GPC5: variants seen among roughly 807,000 people sequenced by gnomAD.
GPC5 encodes the protein glypican 5.
Under a neutral mutation model 53.9 loss-of-function variants are expected in GPC5, and 47 were observed. The observed-to-expected ratio is 0.87, with a 90% CI of 0.69 to 1.11. The LOEUF (loss-of-function observed/expected upper bound fraction) is 1.11. Ranked by LOEUF, GPC5 falls within the 50% of genes most tolerant of loss-of-function variation. The pLI is 0.00. For missense variants in GPC5, 748 were observed against 713.1 expected, an observed-to-expected ratio of 1.05 and a Z score of -0.56; for synonymous variants, 286 against 263.3, an observed-to-expected ratio of 1.09 and a Z score of -0.84.
intron 7 of GPC5, among the ~76,000 whole-genome samples, chr13:92,329,098 G>C (rs1241115093): frequency 6.6e-6 from 1 of 152,122 alleles, no homozygotes; most frequent in East Asian, 1.9e-4. Flanking sequence ...TATTCTAGAG[G>C]AGTCAAGCAG....
At position 92,037,212 on chromosome 13, in the gene GPC5, C is replaced by T. The variant is rs553733319; in HGVS notation, c.1402-107618C>T. On this transcript the variant is annotated intron_variant, in intron 6 of 7. Coordinates refer to ENST00000377067, the MANE Select transcript of GPC5 (RefSeq NM_004466.6). ...ACACATGCTCATACACACACACACA[C>T]GTATGCGTGCACACACACCTTGCTT... Among the ~76,000 whole-genome samples, 8 of 152,196 alleles carry T rather than the reference C, an allele frequency of 5.3e-5. No homozygotes were observed. In the South Asian group the frequency reaches 1.0e-3, roughly 20 times the overall value.
At chr13:91,696,544 A>C (rs2139831254) in intron 3 of GPC5, among the ~76,000 whole-genome samples, 1 of 152,344 alleles carries the variant, frequency 6.6e-6, no homozygotes, top group African/African-American at 2.4e-5. Context: ...ACAAATTCAA[A>C]ATAAATTACT....
At chr13:91,648,963 G>A (rs2139541170) in intron 2 of GPC5, among the ~76,000 whole-genome samples, 1 of 152,236 alleles carries the variant, frequency 6.6e-6, no homozygotes, top group South Asian at 2.1e-4. Flanking sequence ...ATCCCCATGT[G>A]TCATGGGAGG....
At chr13:92,179,318 A>G (rs2042130100) in intron 7 of GPC5, among the ~76,000 whole-genome samples, 1 of 152,226 alleles carries the variant, frequency 6.6e-6, no homozygotes. Context: ...TTTCCAGATG[A>G]GCATGGCCCT....
intron 7 of GPC5, among the ~76,000 whole-genome samples, chr13:92,416,492 A>C (rs1169225201): frequency 6.6e-6 from 1 of 152,200 alleles, no homozygotes; most frequent in Non-Finnish European, 1.5e-5. Flanking sequence ...TTTTCAACAA[A>C]TGGTGCTGGG....
intron 7 of GPC5, among the ~76,000 whole-genome samples, chr13:92,861,043 A>G (rs1715992132): frequency 6.6e-6 from 1 of 152,100 alleles, no homozygotes; most frequent in African/African-American, 2.4e-5. Context: ...AACATTAAAG[A>G]GCATGAAAGT....
intron 6 of GPC5, among the ~76,000 whole-genome samples, chr13:92,047,479 C>T (rs1033186063): frequency 5.2e-4 from 78 of 150,792 alleles, no homozygotes; most frequent in African/African-American, 1.9e-3. Context: ...TCCAGTGAGC[C>T]TTGTATCTCC....
intron 6 of GPC5, among the ~76,000 whole-genome samples, chr13:91,951,804 T>TA (rs953935437): frequency 6.6e-6 from 1 of 152,134 alleles, no homozygotes; most frequent in African/African-American, 2.4e-5. Flanking sequence ...CGTTTTGGTC[T>TA]AAAAAATGTA....
At chr13:92,328,631 G>A (rs1320629936) in intron 7 of GPC5, among the ~76,000 whole-genome samples, 15 of 152,102 alleles carry the variant, frequency 9.9e-5, no homozygotes, top group Admixed American at 9.2e-4. Flanking sequence ...CCCCGACTAG[G>A]AGCAGACTTA....
At chr13:92,133,600 T>C (rs2041761734) in intron 6 of GPC5, among the ~76,000 whole-genome samples, 1 of 152,194 alleles carries the variant, frequency 6.6e-6, no homozygotes, top group South Asian at 2.1e-4. Context: ...TGGCATTGTA[T>C]CATGATTAAA....
At chr13:91,786,512 G>T (rs1177472438) in intron 5 of GPC5, among the ~76,000 whole-genome samples, 2 of 151,886 alleles carry the variant, frequency 1.3e-5, no homozygotes, top group African/African-American at 4.8e-5. Flanking sequence ...TTATTGAAAG[G>T]TTTTTATATA....
At chr13:92,159,252 A>G (rs560317877) in intron 7 of GPC5, among the ~76,000 whole-genome samples, 1 of 152,316 alleles carries the variant, frequency 6.6e-6, no homozygotes, top group South Asian at 2.1e-4. Flanking sequence ...GGAGATTAAA[A>G]GAGGGAGAGG....
At chr13:91,952,751 T>C (rs954872955) in intron 6 of GPC5, among the ~76,000 whole-genome samples, 1 of 152,140 alleles carries the variant, frequency 6.6e-6, no homozygotes, top group Non-Finnish European at 1.5e-5. Flanking sequence ...ATACGTAGTT[T>C]GATAATCCCT....
At chr13:92,179,049 T>C (rs2042128423) in intron 7 of GPC5, among the ~76,000 whole-genome samples, 1 of 152,210 alleles carries the variant, frequency 6.6e-6, no homozygotes, top group Non-Finnish European at 1.5e-5. Context: ...TTAGGATTCT[T>C]CATGACACCT....
intron 7 of GPC5, among the ~76,000 whole-genome samples, chr13:92,160,695 A>T (rs1468760387): frequency 6.6e-6 from 1 of 152,048 alleles, no homozygotes; most frequent in Non-Finnish European, 1.5e-5. Flanking sequence ...CTCTCTGAAG[A>T]CTGACTGACT....
At chr13:91,909,689 G>A (rs1230001115) in intron 6 of GPC5, among the ~76,000 whole-genome samples, 4 of 152,000 alleles carry the variant, frequency 2.6e-5, no homozygotes, top group African/African-American at 9.7e-5. Context: ...TAATAAAGAT[G>A]GTGCTGTTCC....
At chr13:92,113,404 T>A (rs1377900031) in intron 6 of GPC5, among the ~76,000 whole-genome samples, 1 of 152,182 alleles carries the variant, frequency 6.6e-6, no homozygotes, top group East Asian at 1.9e-4. Flanking sequence ...TATTTGTGGA[T>A]ATCTTTATAA....
At chr13:92,448,561 G>A (rs1323852878) in intron 7 of GPC5, 2 of 151,988 alleles carry the variant, frequency 1.3e-5, no homozygotes, top group African/African-American at 2.4e-5. Flanking sequence ...CAGCAGTGTG[G>A]TAGAGATGTA....
In GPC5 at chr13:92,606,850, T is replaced by C. The variant is rs116505015; in HGVS notation, c.1562-259432T>C. ...CTTGACCATGAAGAAATCCTAAGTC[T>C]GGTAGTACGGTACAATGTAAATATC... On this transcript the variant is annotated intron_variant, in intron 7 of 7. Coordinates refer to ENST00000377067, the MANE Select transcript of GPC5 (RefSeq NM_004466.6). 3.7e-3 allele frequency among the ~76,000 whole-genome samples: 567 copies of C among 152,300 alleles called. 3 individuals carry two copies. The highest frequency in any genetic ancestry group is 0.013 in the African/African-American group (542 of 41,574).
Sources: gnomAD v4.1 joint callset for allele counts (sites outside exome capture counted in the v4.1 genomes callset) on GRCh38, gnomAD v4.1.1 for gene constraint, MANE v1.5 for transcripts, NCBI Gene and HGNC (gene_info 2026-07-23, HGNC 2026-07-21) for gene names.